Variants in FRMPD3 observed in about 807,000 individuals in gnomAD.
FRMPD3 encodes FERM and PDZ domain containing 3.
Under a neutral mutation model 97.9 loss-of-function variants are expected in FRMPD3, and 42 were observed. The ratio of observed to expected loss-of-function variants is 0.43; its 90% CI spans 0.34 to 0.55. The LOEUF (loss-of-function observed/expected upper bound fraction) is 0.55, where lower values mean the gene tolerates loss of function less well. FRMPD3 is among the 20% of genes least tolerant of loss of function. The probability of loss-of-function intolerance (pLI) is 0.03; values close to 1 mark genes in which losing one functional copy is unlikely to be tolerated. For missense variants in FRMPD3, 1,303 were observed against 1,457.7 expected (o/e 0.89, Z 1.73); for synonymous variants, 577 against 581.1 (o/e 0.99, Z 0.10).
At chrX:107,531,557 C>T (rs148446130) in intron 3 of FRMPD3, among the ~76,000 whole-genome samples, 218 of 111,626 alleles carry the variant, frequency 2.0e-3, no homozygotes, top group African/African-American at 6.7e-3. Context: ...CACCCTCTAA[C>T]TAGCTCTGGA....
At chrX:107,459,312 G>A (rs1255274338) in intron 1 of FRMPD3, among the ~76,000 whole-genome samples, 4 of 112,601 alleles carry the variant, frequency 3.6e-5, no homozygotes, top group Non-Finnish European at 7.5e-5. Context: ...TTCCCTGGTA[G>A]AATCAGTTTG....
Position 107,603,020 on chromosome X carries a change from G to A in FRMPD3, c.4981G>A (p.Gly1661Ser). 1 of 1,211,167 alleles carries A rather than the reference G, an allele frequency of 8.3e-7. No individual in the cohort carries two copies. Among genetic ancestry groups the A allele is most frequent in the Non-Finnish European group, 1.1e-6 (1 of 895,486 alleles). Reference protein sequence around the residue: ...SPTHMLAAITGSFQVLSSLIE... With the variant: ...SPTHMLAAITSSFQVLSSLIE... Reference sequence around the variant, plus strand: ...AACTCACATGCTGGCAGCCATCACGGGCAGCTTCCAGGTGCTGAGCAGCCT... The same window carrying A: ...AACTCACATGCTGGCAGCCATCACGAGCAGCTTCCAGGTGCTGAGCAGCCT... The change falls in exon 15 of 15, where the codon GGC (glycine) becomes AGC (serine). Residue 1661 changes from glycine to serine, a missense_variant. Transcript: ENST00000683843.
intron 1 of FRMPD3, among the ~76,000 whole-genome samples, chrX:107,476,999 G>A (rs1921216269): frequency 8.9e-6 from 1 of 111,962 alleles, no homozygotes. Context: ...AGGAAGGACC[G>A]GCCTCCAGGG....
Position 107,603,527 on chromosome X carries a change from AG to A in FRMPD3, c.*156del, listed in dbSNP as rs1300707629. 1.9e-6 allele frequency: 2 copies of A among 1,047,877 alleles called. No homozygotes were observed. Among genetic ancestry groups the A allele is most frequent in the African/African-American group, 1.9e-5 (1 of 52,195 alleles). 86.4% of individuals were successfully genotyped at this position (1,047,877 alleles called of 1,213,427 possible). ...CGGGGAGTGGAAACTCTCTTGATTG[AG>A]GCTCTCTCTTAAGGGCTGCAGGCTT... On this transcript the variant is annotated 3_prime_UTR_variant, in exon 15 of 15. Transcript: ENST00000683843.
intron 13 of FRMPD3, among the ~76,000 whole-genome samples, chrX:107,587,462 A>T (rs1442657347): frequency 9.0e-6 from 1 of 111,322 alleles, no homozygotes; most frequent in East Asian, 2.8e-4. Context: ...TAAGGTTAGT[A>T]TTGTTATGTG....
At chrX:107,493,972 G>A (rs751430840) in intron 1 of FRMPD3, among the ~76,000 whole-genome samples, 2 of 111,228 alleles carry the variant, frequency 1.8e-5, no homozygotes, top group South Asian at 7.9e-4. Flanking sequence ...CTTGGAGATT[G>A]TCACCACACA....
In FRMPD3 at chrX:107,564,884, C is replaced by G; in HGVS notation, c.1117-3C>G. The G allele has an allele frequency of 8.3e-7, 1 of 1,210,232 alleles. No individual in the cohort carries two copies. The highest frequency in any genetic ancestry group is 1.1e-6 in the Non-Finnish European group (1 of 894,987). On this transcript the variant is annotated splice_region_variant and splice_polypyrimidine_tract_variant and intron_variant, in intron 11 of 14. Coordinates refer to ENST00000683843, the MANE Select transcript of FRMPD3 (RefSeq NM_001388459.1). ...AACGTTGCCTGCCATTCTTGGGCAC[C>G]AGGATGAGAAGCAGTCGGCCACCAC...
At chrX:107,521,926 A>T (rs1271834392) in intron 1 of FRMPD3, among the ~76,000 whole-genome samples, 1 of 112,602 alleles carries the variant, frequency 8.9e-6, no homozygotes, top group African/African-American at 3.2e-5. Flanking sequence ...TCAGCTTAGA[A>T]TCATTCCATA....
At chrX:107,479,865 CAGAGAGAG>C (rs1215666846) in intron 1 of FRMPD3, among the ~76,000 whole-genome samples, 1 of 57,871 alleles carries the variant, frequency 1.7e-5, no homozygotes, top group African/African-American at 5.4e-5. Flanking sequence ...CACACACACA[CAGAGAGAG>C]AGAGAGGGTG....
At chrX:107,545,220 G>C (rs1001838059) in intron 4 of FRMPD3, 2 of 112,201 alleles carry the variant, frequency 1.8e-5, no homozygotes, top group Non-Finnish European at 3.7e-5. Flanking sequence ...CCCCAATAGT[G>C]TAGTAACTGT....
chrX:107,526,656 C>T lies in FRMPD3; in HGVS notation c.68C>T (p.Thr23Ile). Residue 23 changes from threonine to isoleucine, a missense_variant, in exon 2 of 15, where the codon ACC becomes ATC. By Grantham distance (89) the Thr-to-Ile change is moderately conservative (BLOSUM62 -1). Transcript: ENST00000683843. ...CCAGCAGAGATACTGCGACAAGTGACCGTTCACCGAGACCCTATATATGGC... is the reference window on the plus strand; with the variant it reads ...CCAGCAGAGATACTGCGACAAGTGATCGTTCACCGAGACCCTATATATGGC... ...QLPAEILRQV[T>I]VHRDPIYGFG... The T allele has an allele frequency of 1.7e-6, 2 of 1,207,724 alleles. No homozygotes were observed. Among genetic ancestry groups the T allele is most frequent in the Admixed American group, 2.2e-5 (1 of 45,842 alleles).
intron 8 of FRMPD3, 139 bp downstream of exon 8, chrX:107,554,643 T>G: frequency 1.2e-6 from 1 of 842,899 alleles, no homozygotes; most frequent in South Asian, 2.6e-5. Context: ...CCTTTTCTGC[T>G]ACCATCGTAG....
Position 107,602,981 on chromosome X carries a change from G to A in FRMPD3, c.4942G>A (p.Val1648Met), listed in dbSNP as rs866560240. ...LRASCRRVAN[V>M]DKSPTHMLAA... ...GGCCTCCTGCCGCCGTGTGGCCAAT[G>A]TGGACAAGAGCCCAACTCACATGCT... Residue 1648 changes from valine (V) to methionine (M), a missense_variant, in exon 15 of 15, where the codon GTG (valine) becomes ATG (methionine). Around this residue, in one of 3 missense-constraint regions of FRMPD3, gnomAD observed 764 missense variants for 820.2 expected, o/e 0.93. Transcript: ENST00000683843. 1 of 1,211,391 alleles carries A rather than the reference G, an allele frequency of 8.3e-7. No homozygotes were observed. Among genetic ancestry groups the A allele is most frequent in the Non-Finnish European group, 1.1e-6 (1 of 895,539 alleles).
At chrX:107,459,587 C>G (rs1015495942) in intron 1 of FRMPD3, among the ~76,000 whole-genome samples, 6 of 112,359 alleles carry the variant, frequency 5.3e-5, no homozygotes, top group African/African-American at 1.9e-4. Flanking sequence ...TCTGCCAGCC[C>G]TGGATTGGAG....
At chrX:107,585,702 G>A (rs1923611658) in intron 13 of FRMPD3, among the ~76,000 whole-genome samples, 1 of 112,111 alleles carries the variant, frequency 8.9e-6, no homozygotes, top group Non-Finnish European at 1.9e-5. Context: ...AGATAATCAT[G>A]TGTTTTTTTG....
chrX:107,594,283 T>A (rs1201881396), intron 13 of FRMPD3, among the ~76,000 whole-genome samples: 3 of 112,099 alleles, frequency 2.7e-5, no homozygotes, highest in Non-Finnish European at 5.6e-5. Flanking sequence ...ATTTTCTAAG[T>A]ATATGATCAT....
chrX:107,461,504 A>ATC (rs1371081338), intron 1 of FRMPD3, among the ~76,000 whole-genome samples: 1 of 110,809 alleles, frequency 9.0e-6, no homozygotes, highest in Non-Finnish European at 1.9e-5. Flanking sequence ...CACAGCCACC[A>ATC]TCATAGCCCA....
intron 12 of FRMPD3, among the ~76,000 whole-genome samples, chrX:107,574,452 T>C (rs1164499519): frequency 8.9e-6 from 1 of 112,347 alleles, no homozygotes; most frequent in Non-Finnish European, 1.9e-5. Flanking sequence ...CTATGTACAA[T>C]GGCAGAGTTG....
rs1347087433 is a variant in FRMPD3, at chrX:107,602,266, C to T, written c.4227C>T (p.Thr1409=). The change falls in exon 15 of 15, where the codon ACC becomes ACT. Residue 1409 remains threonine (T), a synonymous_variant. Transcript: ENST00000683843. ...ELDQGDRASL[T]SDVYPHPPLG... is the part of the protein sequence containing the mutation. ...ACCAGGGTGACAGGGCCTCGCTGACCTCGGATGTCTACCCACATCCTCCCC... is the reference window on the plus strand; with the variant it reads ...ACCAGGGTGACAGGGCCTCGCTGACTTCGGATGTCTACCCACATCCTCCCC... 3.3e-6 allele frequency: 4 copies of T among 1,206,858 alleles called. No homozygotes were observed. The African/African-American group carries it at 7.0e-5, about 21-fold the overall frequency.
Sources: gnomAD v4.1 joint callset for allele counts (sites outside exome capture counted in the v4.1 genomes callset) on GRCh38, gnomAD v4.1.1 for gene constraint, gnomAD v4.1.1 regional missense constraint, MANE v1.5 for transcripts, NCBI Gene and HGNC (gene_info 2026-07-23, HGNC 2026-07-21) for gene names.